Variants in LPIN1 observed in about 807,000 individuals in gnomAD.
The protein encoded by LPIN1 is lipin 1.
A neutral mutation model predicts 107.5 loss-of-function variants in LPIN1; 71 were observed. That is an observed-to-expected ratio of 0.66 (90% CI 0.55 to 0.80). The LOEUF (loss-of-function observed/expected upper bound fraction) is 0.80. Ranked by LOEUF, LPIN1 falls within the 30% of genes least tolerant of loss-of-function variation. LPIN1 has a pLI of 0.00. For missense variants in LPIN1, 1,043 were observed against 1,160.6 expected (o/e 0.90, Z 1.47); for synonymous variants, 445 against 452.6 (o/e 0.98, Z 0.21).
At chr2:11,699,357 G>A (rs1418056733) in intron 1 of LPIN1, among the ~76,000 whole-genome samples, 1 of 152,188 alleles carries the variant, frequency 6.6e-6, no homozygotes, top group Non-Finnish European at 1.5e-5. Context: ...AGTGAGATAT[G>A]TCATAAGTTG....
intron 18 of LPIN1, chr2:11,816,079 G>GT (rs1475682982): frequency 6.6e-6 from 1 of 152,196 alleles, no homozygotes; most frequent in Non-Finnish European, 1.5e-5. Context: ...CAGATGAACT[G>GT]TTTGCTGCTG....
chr2:11,688,777 T>A (rs75210379), intron 1 of LPIN1, among the ~76,000 whole-genome samples: 1 of 152,206 alleles, frequency 6.6e-6, no homozygotes, highest in Non-Finnish European at 1.5e-5. Flanking sequence ...ATAAGGTGAT[T>A]TGAGTTTCAA....
At chr2:11,760,052 C>T (rs1281988612) in intron 1 of LPIN1, among the ~76,000 whole-genome samples, 12 of 143,614 alleles carry the variant, frequency 8.4e-5, no homozygotes, top group African/African-American at 2.3e-4. Context: ...GGGTCGCGGC[C>T]GGGCAGAGGC....
Position 11,824,778 on chromosome 2 carries a change from C to T in LPIN1, c.2768C>T (p.Ser923Phe), listed in dbSNP as rs372150324. 7.1e-5 allele frequency: 115 copies of T among 1,614,220 alleles called. No homozygotes were observed. In the African/African-American group the frequency reaches 1.4e-3, roughly 20 times the overall value. ...CCTTTTGAAAACCAGGACATTCATT[C>T]TGCCTCAGCGTAAAATGTCCCAAGC... ...LPPFENQDIH[S>F]ASA Residue 923 changes from serine (S) to phenylalanine (F), a missense_variant, in exon 21 of 21, where the codon TCT (serine) becomes TTT (phenylalanine). Ser to Phe is a radical substitution (Grantham distance 155, BLOSUM62 -2). Coordinates refer to ENST00000674199, the MANE Select transcript of LPIN1 (RefSeq NM_001349206.2).
intron 2 of LPIN1, among the ~76,000 whole-genome samples, chr2:11,715,728 A>G (rs1427164112): frequency 6.6e-6 from 1 of 152,120 alleles, no homozygotes; most frequent in Non-Finnish European, 1.5e-5. Context: ...AAAGAGCCAT[A>G]CCAGTTGGCC....
chr2:11,750,049 C>T (rs1445958189), intron 1 of LPIN1, among the ~76,000 whole-genome samples: 2 of 152,144 alleles, frequency 1.3e-5, no homozygotes, highest in Non-Finnish European at 2.9e-5. Context: ...CAACCAACAC[C>T]CCCATTTGCC....
At chr2:11,789,180 G>C (rs1484072020) in intron 12 of LPIN1, among the ~76,000 whole-genome samples, 1 of 152,262 alleles carries the variant, frequency 6.6e-6, no homozygotes, top group African/African-American at 2.4e-5. Context: ...GGCTTAGGAT[G>C]TTGCCGTCGG....
rs540460467 is a variant in LPIN1 at position 11,706,283 on chromosome 2, A to G, written c.82-7473A>G. On this transcript the variant is annotated intron_variant, in intron 1 of 21. Coordinates refer to the LPIN1 transcript ENST00000449576. ...CAAGGCGAGTGAACTGCAGGGTGGT[A>G]CAGGGAGGTGTGGGCAAGCCCATTA... Among the ~76,000 whole-genome samples the G allele has an allele frequency of 1.3e-4, 20 of 152,322 alleles. 1 individual carries two copies. In the South Asian group the frequency reaches 4.1e-3, roughly 32 times the overall value.
At chr2:11,811,451 C>G (rs1222521355) in intron 17 of LPIN1, among the ~76,000 whole-genome samples, 1 of 152,208 alleles carries the variant, frequency 6.6e-6, no homozygotes, top group Non-Finnish European at 1.5e-5. Flanking sequence ...CATTAGGTCA[C>G]TCTCGAGCTG....
chr2:11,772,666 A>C (rs1298506758), intron 4 of LPIN1, among the ~76,000 whole-genome samples: 1 of 152,188 alleles, frequency 6.6e-6, no homozygotes, highest in Non-Finnish European at 1.5e-5. Context: ...CTTTGCTTTT[A>C]ACAGTGTGGT....
intron 14 of LPIN1, among the ~76,000 whole-genome samples, chr2:11,797,571 T>G (rs1212794156): frequency 6.6e-6 from 1 of 152,220 alleles, no homozygotes; most frequent in Non-Finnish European, 1.5e-5. Context: ...TTTTGGAACT[T>G]TTAAATTTAA....
intron 1 of LPIN1, among the ~76,000 whole-genome samples, chr2:11,696,642 C>T (rs1662597234): frequency 1.3e-5 from 2 of 152,150 alleles, no homozygotes; most frequent in Non-Finnish European, 2.9e-5. Flanking sequence ...GGTGAGCAGA[C>T]AGCAAGCTTC....
At chr2:11,768,493 A>G (rs1382792755) in intron 3 of LPIN1, among the ~76,000 whole-genome samples, 3 of 152,086 alleles carry the variant, frequency 2.0e-5, no homozygotes, top group Non-Finnish European at 4.4e-5. Flanking sequence ...GAATTACAGT[A>G]TCTGGTCTTT....
In LPIN1 at chr2:11,765,506, G is replaced by T. The variant is rs745357025; in HGVS notation, c.-9-27G>T. The T allele has an allele frequency of 3.2e-6, 5 of 1,544,646 alleles. No individual in the cohort carries two copies. The African/African-American group carries it at 9.6e-5, about 30-fold the overall frequency. On this transcript the variant is annotated intron_variant, in intron 1 of 20. Coordinates refer to ENST00000674199, the MANE Select transcript of LPIN1 (RefSeq NM_001349206.2). The surrounding 1 kb of genome is among the most constrained non-coding windows in gnomAD (Gnocchi z 4.4). ...TTCCTTGGATTAATTGTGTGTCTGT[G>T]TGTGTTTTTTTTTGTCTGTTTTCCA...
At chr2:11,769,777 G>C (rs1156572740) in intron 3 of LPIN1, among the ~76,000 whole-genome samples, 1 of 152,202 alleles carries the variant, frequency 6.6e-6, no homozygotes, top group Admixed American at 6.5e-5. Flanking sequence ...GCACCTTAAA[G>C]GGGTCTGATG....
intron 17 of LPIN1, among the ~76,000 whole-genome samples, chr2:11,807,978 TC>T (rs1679000503): frequency 6.6e-6 from 1 of 152,150 alleles, no homozygotes; most frequent in Non-Finnish European, 1.5e-5. Context: ...GCGACTCTGT[TC>T]CTCCTCTGCA....
chr2:11,686,249 C>T (rs1255236816), intron 1 of LPIN1, among the ~76,000 whole-genome samples: 3 of 152,004 alleles, frequency 2.0e-5, no homozygotes, highest in Admixed American at 2.0e-4. Context: ...GCTGAGGATC[C>T]CCGACCCCGC....
intron 2 of LPIN1, among the ~76,000 whole-genome samples, chr2:11,717,288 A>G (rs1663811754): frequency 6.6e-6 from 1 of 152,218 alleles, no homozygotes; most frequent in Non-Finnish European, 1.5e-5. Flanking sequence ...CTGATTCTAC[A>G]GAGCATCAAA....
intron 9 of LPIN1, chr2:11,784,186 C>G: frequency 2.7e-6 from 2 of 753,586 alleles, no homozygotes; most frequent in Non-Finnish European, 3.8e-6. Context: ...CACCTGTAAT[C>G]CCAGCTACTC....
Sources: allele counts gnomAD v4.1 joint callset (sites outside exome capture counted in the v4.1 genomes callset), GRCh38; gene constraint gnomAD v4.1.1; non-coding constraint Gnocchi (gnomAD v3.1); transcripts MANE v1.5; gene names NCBI Gene and HGNC (gene_info 2026-07-23, HGNC 2026-07-21).